Variants in RAD51B observed in about 807,000 individuals in gnomAD.
RAD51B encodes RAD51 paralog B.
Under a neutral mutation model 42.2 loss-of-function variants are expected in RAD51B, and 38 were observed. That is an observed-to-expected ratio of 0.90 (90% CI 0.70 to 1.18). The LOEUF is 1.18. RAD51B is among the 50% of genes most tolerant of loss of function. The pLI, the probability that RAD51B is intolerant of heterozygous loss-of-function variation, is 0.00. For missense variants in RAD51B, 373 were observed against 400.7 expected (o/e 0.93, Z 0.59); for synonymous variants, 154 against 145.2 (o/e 1.06, Z -0.43).
chr14:68,355,347 A>C (rs1336585438), intron 8 of RAD51B, among the ~76,000 whole-genome samples: 2 of 152,200 alleles, frequency 1.3e-5, no homozygotes, highest in Admixed American at 6.5e-5. Context: ...GGAATGCAAA[A>C]AGATTTGCCT....
chr14:68,596,301 G>A (rs1890997366), downstream of RAD51B, among the ~76,000 whole-genome samples: 1 of 151,948 alleles, frequency 6.6e-6, no homozygotes, highest in Admixed American at 6.6e-5. Context: ...TCTCCAAGGG[G>A]GTCCTAGAAG....
intron 9 of RAD51B, among the ~76,000 whole-genome samples, chr14:68,422,621 T>C (rs2084736306): frequency 6.6e-6 from 1 of 151,602 alleles, no homozygotes; most frequent in Non-Finnish European, 1.5e-5. Context: ...GTTTACATTG[T>C]GGAGGTTTGA....
chr14:68,256,011 T>G (rs1166306984), intron 7 of RAD51B, among the ~76,000 whole-genome samples: 1 of 152,176 alleles, frequency 6.6e-6, no homozygotes, highest in Non-Finnish European at 1.5e-5. Flanking sequence ...AACATTCCAT[T>G]TGGTTTATTA....
At chr14:68,562,788 C>T in intron 10 of RAD51B, 3 of 985,346 alleles carry the variant, frequency 3.0e-6, no homozygotes, top group Non-Finnish European at 3.6e-6. Flanking sequence ...AGATACCCAT[C>T]CAGGGTATGG....
chr14:68,212,454 TAAATACCA>T (rs1292749696), intron 7 of RAD51B, among the ~76,000 whole-genome samples: 3 of 152,218 alleles, frequency 2.0e-5, no homozygotes, highest in Non-Finnish European at 4.4e-5. Context: ...AGCAGCAAGG[TAAATACCA>T]CCATGTGTGT....
At chr14:68,171,051 C>T (rs564274811) in intron 7 of RAD51B, among the ~76,000 whole-genome samples, 1 of 152,304 alleles carries the variant, frequency 6.6e-6, no homozygotes, top group Admixed American at 6.5e-5. Context: ...TCCTCCATAA[C>T]CCATCAAGTG....
At chr14:68,183,777 A>G (rs965812235) in intron 7 of RAD51B, among the ~76,000 whole-genome samples, 4 of 151,966 alleles carry the variant, frequency 2.6e-5, no homozygotes, top group Non-Finnish European at 4.4e-5. Context: ...GTGAGACCCC[A>G]TCGCTACAAA....
intron 7 of RAD51B, among the ~76,000 whole-genome samples, chr14:67,932,813 G>A (rs1424175682): frequency 2.6e-5 from 4 of 152,136 alleles, no homozygotes; most frequent in African/African-American, 4.8e-5. Context: ...CCATGTTCAC[G>A]TATGAGTCTA....
intron 7 of RAD51B, among the ~76,000 whole-genome samples, chr14:67,980,149 A>G (rs1392736715): frequency 1.3e-5 from 2 of 152,162 alleles, no homozygotes; most frequent in African/African-American, 2.4e-5. Flanking sequence ...AAAATATCGT[A>G]AAGAGGAAGA....
At chr14:68,308,806 G>A (rs1045346636) in intron 8 of RAD51B, among the ~76,000 whole-genome samples, 1 of 150,818 alleles carries the variant, frequency 6.6e-6, no homozygotes, top group Non-Finnish European at 1.5e-5. Context: ...TGCCACCCAA[G>A]TCAGTCATCC....
chr14:68,165,136 T>A lies in RAD51B; in HGVS notation c.757-126748T>A, dbSNP rs117950749. On this transcript the variant is annotated intron_variant, in intron 7 of 10. Transcript: ENST00000471583. The stretch of plus-strand genomic sequence containing the variant: ...ATTAATCGCATGGTATTTTCAATAA[T>A]CTTTATGGAGTAAAACGGAGGGTTG... Among the ~76,000 whole-genome samples the A allele has an allele frequency of 7.9e-5, 12 of 152,316 alleles. No individual in the cohort carries two copies. The East Asian group carries it at 1.9e-3, about 24-fold the overall frequency.
chr14:68,633,245 C>T (rs1892273382), intron 10 of RAD51B, among the ~76,000 whole-genome samples: 1 of 152,074 alleles, frequency 6.6e-6, no homozygotes, highest in Non-Finnish European at 1.5e-5. Context: ...TGGGGCTGTG[C>T]CCAGAGTCCA....
At chr14:67,843,705 C>T (rs1467479429) in intron 4 of RAD51B, among the ~76,000 whole-genome samples, 2 of 142,386 alleles carry the variant, frequency 1.4e-5, no homozygotes, top group African/African-American at 5.3e-5. Flanking sequence ...TGGAATATCA[C>T]CTTTGTCATT....
intron 7 of RAD51B, among the ~76,000 whole-genome samples, chr14:68,138,154 T>C (rs1345507296): frequency 1.3e-5 from 2 of 148,510 alleles, no homozygotes; most frequent in African/African-American, 4.9e-5. Context: ...ATTTTTTTTT[T>C]CCAGGGCTCA....
intron 7 of RAD51B, among the ~76,000 whole-genome samples, chr14:67,898,125 A>G (rs1051159344): frequency 6.6e-6 from 1 of 152,236 alleles, no homozygotes; most frequent in Non-Finnish European, 1.5e-5. Flanking sequence ...CTGAATTCCT[A>G]TGTTCATTGT....
intron 7 of RAD51B, among the ~76,000 whole-genome samples, chr14:67,955,974 C>G (rs2074538742): frequency 6.6e-6 from 1 of 152,154 alleles, no homozygotes; most frequent in Non-Finnish European, 1.5e-5. Flanking sequence ...CATTCTTTCC[C>G]TAGTTCCTTT....
At chr14:68,571,717 G>A (rs925737085) in intron 10 of RAD51B, among the ~76,000 whole-genome samples, 2 of 152,174 alleles carry the variant, frequency 1.3e-5, no homozygotes, top group African/African-American at 2.4e-5. Flanking sequence ...ACCTTTGAGG[G>A]GCCGTTATTC....
chr14:68,545,693 C>A, intron 10 of RAD51B: 1 of 451,532 alleles, frequency 2.2e-6, no homozygotes, highest in Non-Finnish European at 4.5e-6. Context: ...ATTGATTTCC[C>A]TAAATATTTA....
intron 10 of RAD51B, among the ~76,000 whole-genome samples, chr14:68,529,545 A>C (rs1887144437): frequency 1.3e-5 from 2 of 152,200 alleles, no homozygotes; most frequent in South Asian, 4.1e-4. Flanking sequence ...CAGGAGAAAT[A>C]ATCACAGCCC....
Sources: gnomAD v4.1 joint callset for allele counts (sites outside exome capture counted in the v4.1 genomes callset) on GRCh38, gnomAD v4.1.1 for gene constraint, MANE v1.5 for transcripts, NCBI Gene and HGNC (gene_info 2026-07-23, HGNC 2026-07-21) for gene names.